Variants in GALNT17 observed in about 807,000 individuals in gnomAD.
The protein encoded by GALNT17 is UDP-GalNAc:polypeptide N-acetylgalactosaminyltransferase-like 3.
A neutral mutation model predicts 63.7 loss-of-function variants in GALNT17; 29 were observed. The observed-to-expected ratio is 0.46, with a 90% CI of 0.34 to 0.62. The LOEUF (loss-of-function observed/expected upper bound fraction) is 0.62, where lower values mean the gene tolerates loss of function less well. GALNT17 is among the 20% of genes least tolerant of loss of function. GALNT17 has a pLI of 0.01. For synonymous variants in GALNT17, 305 were observed against 318.3 expected, an observed-to-expected ratio of 0.96 and a Z score of 0.45; for missense variants, 603 against 799.6, an observed-to-expected ratio of 0.75 and a Z score of 2.97.
intron 5 of GALNT17, among the ~76,000 whole-genome samples, chr7:71,424,905 G>C (rs984163543): frequency 6.6e-6 from 1 of 152,152 alleles, no homozygotes; most frequent in Non-Finnish European, 1.5e-5. Context: ...AGACTTCCCG[G>C]TAAGCAACAT....
chr7:71,712,417 CCTGGTACTGAGGAGCAAGACTGTCCAGTT>C lies in GALNT17; in HGVS notation c.*274_*302del. On this transcript the variant is annotated 3_prime_UTR_variant, in exon 11 of 11. Transcript: ENST00000333538. ...TGTCTTCCACAGCCTCTGATGTGGA[CCTGGTACTGAGGAGCAAGACTGTCCAGTT>C]CTCCTCCACATCTCCCATCCCAGAA... The C allele has an allele frequency of 3.0e-6, 1 of 336,718 alleles. No homozygotes were observed. Among genetic ancestry groups the C allele is most frequent in the Non-Finnish European group, 5.6e-6 (1 of 179,572 alleles). The allele number at this position is 336,718 out of a possible 1,614,324, so 20.9% of individuals were successfully genotyped here.
chr7:71,674,735 T>C (rs1285094049), intron 8 of GALNT17, among the ~76,000 whole-genome samples: 1 of 152,144 alleles, frequency 6.6e-6, no homozygotes, highest in African/African-American at 2.4e-5. Flanking sequence ...CAGGCTTGTC[T>C]CACACTCCTG....
Position 71,451,198 on chromosome 7 carries a change from G to A in GALNT17, c.962+30093G>A, listed in dbSNP as rs184772967. On this transcript the variant is annotated intron_variant, in intron 5 of 10. Transcript: ENST00000333538. ...ATGTGGTGTTTGGTTTTTTGTCCTT[G>A]CAATAGTTTGCTGAGAATTGCATGA... Among the ~76,000 whole-genome samples, 180 of 152,116 alleles carry A rather than the reference G, an allele frequency of 1.2e-3. 1 individual carries two copies. Among genetic ancestry groups the A allele is most frequent in the African/African-American group, 4.2e-3 (173 of 41,504 alleles).
At chr7:71,278,041 A>G (rs1272462625) in intron 1 of GALNT17, among the ~76,000 whole-genome samples, 1 of 152,176 alleles carries the variant, frequency 6.6e-6, no homozygotes, top group Non-Finnish European at 1.5e-5. Context: ...CAAGCTAGGC[A>G]GTTCAGCTTA....
rs139880328 is a variant in GALNT17, at chr7:71,300,486, C to A, written c.239-35064C>A. 2.0e-3 allele frequency: 914 copies of A among 447,824 alleles called. 4 individuals carry two copies. The highest frequency in any genetic ancestry group is 0.017 in the African/African-American group (834 of 49,730). 27.7% of individuals were successfully genotyped at this position (447,824 alleles called of 1,614,324 possible). A position where few individuals can be genotyped will look rare whatever the true frequency, so the allele number is the denominator to read the frequency against. On this transcript the variant is annotated intron_variant, in intron 1 of 10. Transcript: ENST00000333538. The stretch of plus-strand genomic sequence containing the variant: ...ACTGGGGGATGTTCATGAGCTTGGA[C>A]AGGATAACAAATGGAGGTGGGTTAT...
intron 1 of GALNT17, among the ~76,000 whole-genome samples, chr7:71,162,110 TCCC>T (rs1173477345): frequency 1.3e-4 from 11 of 83,634 alleles, no homozygotes; most frequent in African/African-American, 4.8e-4. Flanking sequence ...CCTTCCTTCC[TCCC>T]TCCCTCCCTC....
chr7:71,625,945 C>T (rs558064251), intron 6 of GALNT17, among the ~76,000 whole-genome samples: 1 of 151,844 alleles, frequency 6.6e-6, no homozygotes, highest in Non-Finnish European at 1.5e-5. Flanking sequence ...CTGGTGTCCT[C>T]GTAAAAAGAA....
At chr7:71,529,528 T>C (rs1788680170) in intron 5 of GALNT17, among the ~76,000 whole-genome samples, 2 of 152,198 alleles carry the variant, frequency 1.3e-5, no homozygotes, top group Non-Finnish European at 2.9e-5. Flanking sequence ...AAAGTAGATA[T>C]ATAAAGCTTC....
chr7:71,685,946 CTATTTT>C (rs1562736563), intron 9 of GALNT17, among the ~76,000 whole-genome samples: 8 of 86,824 alleles, frequency 9.2e-5, no homozygotes, highest in African/African-American at 3.9e-4. Context: ...AAGGCAATTA[CTATTTT>C]TTTTTTTTTT....
chr7:71,676,225 G>A (rs563804341), intron 8 of GALNT17, among the ~76,000 whole-genome samples: 4 of 152,176 alleles, frequency 2.6e-5, no homozygotes, highest in Middle Eastern at 3.4e-3. Flanking sequence ...CTAGTTTCAC[G>A]GGTGTTGCTT....
intron 1 of GALNT17, among the ~76,000 whole-genome samples, chr7:71,332,690 T>G (rs1417309444): frequency 1.3e-5 from 2 of 150,482 alleles, no homozygotes; most frequent in Non-Finnish European, 3.0e-5. Flanking sequence ...TGTTTGTTTG[T>G]TTGTTTTGTT....
At chr7:71,369,885 T>A (rs1377465286) in intron 2 of GALNT17, among the ~76,000 whole-genome samples, 1 of 149,472 alleles carries the variant, frequency 6.7e-6, no homozygotes, top group East Asian at 2.0e-4. Context: ...ATGGTCCAGA[T>A]GGCAGGGAGA....
intron 6 of GALNT17, among the ~76,000 whole-genome samples, chr7:71,631,570 A>G (rs1051188030): frequency 6.6e-6 from 1 of 152,194 alleles, no homozygotes; most frequent in African/African-American, 2.4e-5. Flanking sequence ...AGGATGGGAA[A>G]TTCAACAGCC....
At chr7:71,399,908 T>C (rs1298770935) in intron 3 of GALNT17, among the ~76,000 whole-genome samples, 2 of 152,248 alleles carry the variant, frequency 1.3e-5, no homozygotes, top group Non-Finnish European at 2.9e-5. Context: ...TATATATTTT[T>C]TAGAGGTTTG....
At chr7:71,677,015 T>C (rs976510569) in intron 8 of GALNT17, among the ~76,000 whole-genome samples, 196 bp from the exon 9 acceptor site, 2 of 152,132 alleles carry the variant, frequency 1.3e-5, no homozygotes, top group South Asian at 2.1e-4. Context: ...AGACCTAGCA[T>C]CCATGCCATC....
chr7:71,645,589 T>G (rs553849646), intron 6 of GALNT17, among the ~76,000 whole-genome samples: 14 of 152,152 alleles, frequency 9.2e-5, no homozygotes, highest in Non-Finnish European at 1.9e-4. Flanking sequence ...TTTATAGCAG[T>G]GTGAAAATGA....
intron 6 of GALNT17, among the ~76,000 whole-genome samples, chr7:71,655,655 C>T (rs1790818386): frequency 6.6e-6 from 1 of 152,146 alleles, no homozygotes; most frequent in Non-Finnish European, 1.5e-5. Flanking sequence ...GAGCCAGTGG[C>T]CTTTCCCACT....
intron 1 of GALNT17, among the ~76,000 whole-genome samples, chr7:71,222,400 C>G (rs913324488): frequency 6.6e-6 from 1 of 151,970 alleles, no homozygotes; most frequent in Non-Finnish European, 1.5e-5. Flanking sequence ...TCAAATGATT[C>G]TCTTGCCTTG....
intron 1 of GALNT17, among the ~76,000 whole-genome samples, chr7:71,144,293 C>T (rs537763711): frequency 1.3e-5 from 2 of 152,278 alleles, no homozygotes; most frequent in South Asian, 2.1e-4. Flanking sequence ...CCACCAGCAA[C>T]CCCCGAGGGT....
Sources: gnomAD v4.1 joint callset for allele counts (sites outside exome capture counted in the v4.1 genomes callset) on GRCh38, gnomAD v4.1.1 for gene constraint, MANE v1.5 for transcripts, NCBI Gene and HGNC (gene_info 2026-07-23, HGNC 2026-07-21) for gene names.